Variants in PLEKHG5 observed in about 807,000 individuals in gnomAD.
PLEKHG5 encodes the protein pleckstrin homology and RhoGEF domain containing G5, also known as pleckstrin homology domain-containing family G member 5.
In PLEKHG5, 52 loss-of-function variants were observed where a neutral mutation model predicts 103.8. The observed-to-expected ratio is 0.50, with a 90% CI of 0.40 to 0.63. The LOEUF (loss-of-function observed/expected upper bound fraction) is 0.63, where lower values mean the gene tolerates loss of function less well. Among genes scored for constraint, PLEKHG5 ranks in the 30% least tolerant of loss-of-function variants. The probability of loss-of-function intolerance (pLI) is 0.00; values close to 1 mark genes in which losing one functional copy is unlikely to be tolerated. For missense variants in PLEKHG5, 1,205 were observed against 1,347.6 expected, an observed-to-expected ratio of 0.89 and a Z score of 1.66; for synonymous variants, 592 against 575.5, an observed-to-expected ratio of 1.03 and a Z score of -0.41.
chr1:6,480,570 G>A (rs1234839694), intron 1 of PLEKHG5, among the ~76,000 whole-genome samples: 5 of 151,366 alleles, frequency 3.3e-5, no homozygotes, highest in African/African-American at 1.2e-4. Context: ...GTGAGCTTGC[G>A]GTCCTAAGAG....
chr1:6,495,744 C>T (rs985942478), upstream of PLEKHG5, among the ~76,000 whole-genome samples: 7 of 152,238 alleles, frequency 4.6e-5, no homozygotes, highest in Non-Finnish European at 1.0e-4. Flanking sequence ...ACCCCGGCTC[C>T]ATCTCTCATG....
At chr1:6,480,830 A>G (rs1357611187) in intron 1 of PLEKHG5, among the ~76,000 whole-genome samples, 1 of 151,892 alleles carries the variant, frequency 6.6e-6, no homozygotes, top group Non-Finnish European at 1.5e-5. Context: ...TAGTAGAGAT[A>G]GGATTTCGCC....
chr1:6,474,635 G>C, intron 5 of PLEKHG5, 48 bp from the exon 6 acceptor site: 1 of 1,602,070 alleles, frequency 6.2e-7, no homozygotes. Flanking sequence ...GCGGCCAGTC[G>C]CTTCAGCTTG....
intron 2 of PLEKHG5, 132 bp from the exon 3 acceptor site, chr1:6,476,168 G>T: frequency 2.7e-6 from 2 of 750,606 alleles, no homozygotes; most frequent in Non-Finnish European, 2.3e-6. Flanking sequence ...CTTCAGTTCT[G>T]TGAGGAGAGG....
rs373744190 is a variant in PLEKHG5 at position 6,474,127 on chromosome 1, C to T, written c.477G>A (p.Gln159=). 14 of 1,613,464 alleles carry T rather than the reference C, an allele frequency of 8.7e-6. No homozygotes were observed. Among genetic ancestry groups the T allele is most frequent in the East Asian group, 2.2e-5 (1 of 44,890 alleles). ...TCAGGGACTTGGAGTCCTTCATGCC[C>T]TGCTCCACCTTGCCCTCATCTCCAG... is the stretch of plus-strand genomic sequence containing the variant. ...AKPGDEGKVE[Q]GMKDSKSLSL... Residue 159 remains glutamine, a synonymous_variant, in exon 7 of 21, where the codon CAG becomes CAA. Coordinates refer to ENST00000377728, the MANE Select transcript of PLEKHG5 (RefSeq NM_020631.6).
exon 1 of PLEKHG5, chr1:6,519,472 T>G: frequency 6.2e-7 from 1 of 1,613,978 alleles, no homozygotes; most frequent in African/African-American, 1.3e-5. Context: ...CTGAGCCAGC[T>G]TCGAGGTGGA....
chr1:6,474,317 C>T, intron 6 of PLEKHG5, 134 bp downstream of exon 6: 1 of 1,178,678 alleles, frequency 8.5e-7, no homozygotes, highest in Non-Finnish European at 1.2e-6. Flanking sequence ...CCAGCAGCAT[C>T]CAGCAGAGAC....
Position 6,475,045 on chromosome 1 carries a change from A to AC in PLEKHG5, c.302+1dup, listed in dbSNP as rs757312166. ...TCCACCCTGAGCCCCATCAAGCCCT[A>AC]CCCCAGTGACTTCTTCTTCATGGCT... On this transcript the variant is annotated splice_donor_variant, in intron 5 of 20. Transcript: ENST00000377728. LOFTEE classifies it high-confidence loss of function. 3 of 1,580,828 alleles carry AC rather than the reference A, an allele frequency of 1.9e-6. No homozygotes were observed. Among genetic ancestry groups the AC allele is most frequent in the Non-Finnish European group, 2.6e-6 (3 of 1,149,856 alleles).
At chr1:6,476,069 C>T in intron 2 of PLEKHG5, 33 bp from the exon 3 acceptor site, 2 of 1,573,280 alleles carry the variant, frequency 1.3e-6, no homozygotes, top group South Asian at 2.2e-5. Flanking sequence ...TTGTGCCTCC[C>T]CCGCCCCTCC....
chr1:6,485,423 G>A (rs1645006652), intron 1 of PLEKHG5: 3 of 1,339,880 alleles, frequency 2.2e-6, no homozygotes, highest in African/African-American at 3.1e-5. Flanking sequence ...GGCGTCCGGA[G>A]ACACCGGGTC....
At chr1:6,468,939 CAA>C in intron 19 of PLEKHG5, 101 bp downstream of exon 19, 1 of 997,034 alleles carries the variant, frequency 1.0e-6, no homozygotes, top group Admixed American at 1.8e-5. Flanking sequence ...GTGTTCATGA[CAA>C]GAGGCCATTG....
chr1:6,467,491 TG>T lies in PLEKHG5; in HGVS notation c.*71del. The T allele has an allele frequency of 6.9e-7, 1 of 1,446,096 alleles. No individual in the cohort carries two copies. 89.6% of individuals were successfully genotyped at this position (1,446,096 alleles called of 1,614,324 possible). ...TACAGGAGGCAGTAGCTGAAGCAGG[TG>T]CCGGCACGCCCCAGGAGGCAGGCTG... is the stretch of plus-strand genomic sequence containing the variant. On this transcript the variant is annotated 3_prime_UTR_variant, in exon 21 of 21. Transcript: ENST00000377728.
chr1:6,504,859 G>A (rs993398687), intron 1 of PLEKHG5, among the ~76,000 whole-genome samples: 5 of 152,132 alleles, frequency 3.3e-5, no homozygotes, highest in South Asian at 4.1e-4. Context: ...ATGAGCCACC[G>A]TGCCCAGCCT....
In PLEKHG5 at chr1:6,474,053, C is replaced by T. The variant is rs750080171; in HGVS notation, c.551G>A (p.Arg184His). 6.2e-6 allele frequency: 10 copies of T among 1,611,310 alleles called. No individual in the cohort carries two copies. The highest frequency in any genetic ancestry group is 2.7e-5 in the African/African-American group (2 of 74,960). Residue 184 changes from arginine (R) to histidine (H), a missense_variant, in exon 7 of 21, where the codon CGT (arginine) becomes CAT (histidine). Physicochemically the swap from Arg to His is conservative, Grantham distance 29. Coordinates refer to ENST00000377728, the MANE Select transcript of PLEKHG5 (RefSeq NM_020631.6). ...PAGTGPPALERVDAQSRRESL... is the reference protein window; with the variant it reads ...PAGTGPPALEHVDAQSRRESL... Reference sequence around the variant, plus strand: ...CTCCCGGCGGCTCTGGGCGTCCACACGCTCCAGGGCGGGGGGCCCGGTCCC... The same window carrying T: ...CTCCCGGCGGCTCTGGGCGTCCACATGCTCCAGGGCGGGGGGCCCGGTCCC...
At chr1:6,475,810 A>T in intron 3 of PLEKHG5, 121 bp downstream of exon 3, 1 of 898,658 alleles carries the variant, frequency 1.1e-6, no homozygotes, top group Non-Finnish European at 1.8e-6. Flanking sequence ...AGGCGTGGGA[A>T]GAGGTCTGCC....
In PLEKHG5 at chr1:6,475,447, T is replaced by C; in HGVS notation, c.210+15A>G. The C allele has an allele frequency of 1.9e-6, 3 of 1,612,060 alleles. No homozygotes were observed. The highest frequency in any genetic ancestry group is 2.5e-6 in the Non-Finnish European group (3 of 1,178,712). ...GTAGGGAACCCGCATCTGCCGGCTCTGGGGGGCTCCTCACATCCGTGTGTC... is the reference window on the plus strand; with the variant it reads ...GTAGGGAACCCGCATCTGCCGGCTCCGGGGGGCTCCTCACATCCGTGTGTC... On this transcript the variant is annotated intron_variant, in intron 4 of 20. Transcript: ENST00000377728.
upstream of PLEKHG5, among the ~76,000 whole-genome samples, chr1:6,498,701 C>G (rs1015293379): frequency 2.0e-5 from 3 of 152,060 alleles, no homozygotes; most frequent in Non-Finnish European, 4.4e-5. Context: ...AGCAGCTGCC[C>G]GGGGCCCTGG....
intron 1 of PLEKHG5, among the ~76,000 whole-genome samples, chr1:6,488,035 T>C (rs1269065910): frequency 6.6e-6 from 1 of 152,214 alleles, no homozygotes; most frequent in Non-Finnish European, 1.5e-5. Flanking sequence ...CGAAGGTCTC[T>C]TCCTCCTCCT....
chr1:6,472,502 G>A lies in PLEKHG5; in HGVS notation c.1080+25C>T, dbSNP rs199531687. 3.1e-5 allele frequency: 48 copies of A among 1,525,526 alleles called. 2 individuals carry two copies. Among genetic ancestry groups the A allele is most frequent in the African/African-American group, 2.0e-4 (15 of 73,328 alleles). 94.5% of individuals were successfully genotyped at this position (1,525,526 alleles called of 1,614,324 possible). A position where few individuals can be genotyped will look rare whatever the true frequency, so the allele number is the denominator to read the frequency against. On this transcript the variant is annotated intron_variant, in intron 10 of 20. Coordinates refer to ENST00000377728, the MANE Select transcript of PLEKHG5 (RefSeq NM_020631.6). Reference sequence around the variant, plus strand: ...AGAAAGAGGGGGGCAGGGTGGCCACGGGGACCAGCGCAGCCCCTACTCACG... The same window carrying A: ...AGAAAGAGGGGGGCAGGGTGGCCACAGGGACCAGCGCAGCCCCTACTCACG...
Sources: gnomAD v4.1 joint callset for allele counts (sites outside exome capture counted in the v4.1 genomes callset) on GRCh38, gnomAD v4.1.1 for gene constraint, MANE v1.5 for transcripts, NCBI Gene and HGNC (gene_info 2026-07-23, HGNC 2026-07-21) for gene names.